Variants in ACOX3 observed in about 807,000 individuals in gnomAD.
ACOX3 encodes peroxisomal acyl-coenzyme A oxidase 3.
In ACOX3, 73 loss-of-function variants were observed where a neutral mutation model predicts 81.5. That is an observed-to-expected ratio of 0.90 (90% CI 0.74 to 1.09). The LOEUF (loss-of-function observed/expected upper bound fraction) is 1.09, where lower values mean the gene tolerates loss of function less well. ACOX3 is among the 50% of genes least tolerant of loss of function. The pLI is 0.00. For synonymous variants in ACOX3, 387 were observed against 375.1 expected, an observed-to-expected ratio of 1.03 and a Z score of -0.37; for missense variants, 947 against 928.0, an observed-to-expected ratio of 1.02 and a Z score of -0.27.
chr4:8,361,366 C>T (rs374802615), downstream of ACOX3, among the ~76,000 whole-genome samples: 20 of 127,114 alleles, frequency 1.6e-4, no homozygotes, highest in African/African-American at 5.8e-4. Flanking sequence ...GCGGAGCTCG[C>T]AGTGAGCTGA....
rs1334527358 is a variant in ACOX3 at position 8,386,640 on chromosome 4, GCACCCAAAA to G, written c.1537+2524_1537+2532del. 2.4e-4 allele frequency among the ~76,000 whole-genome samples: 37 copies of G among 152,066 alleles called. No individual in the cohort carries two copies. Among genetic ancestry groups the G allele is most frequent in the Non-Finnish European group, 4.1e-4 (28 of 68,016 alleles). ...TCAAACGTGTCCCCGTTTCCCACTGGCACCCAAAAAGGCAGGCTAAGATCTGCACGGTTA... is the reference window on the plus strand; with the variant it reads ...TCAAACGTGTCCCCGTTTCCCACTGGAGGCAGGCTAAGATCTGCACGGTTA... On this transcript the variant is annotated intron_variant, in intron 13 of 17. Coordinates refer to ENST00000356406, the MANE Select transcript of ACOX3 (RefSeq NM_003501.3). This position sits in a 1 kb window ranked among gnomAD's most constrained non-coding sequence, Gnocchi z 5.2.
chr4:8,403,949 A>G (rs1720643529), intron 7 of ACOX3, among the ~76,000 whole-genome samples: 1 of 152,214 alleles, frequency 6.6e-6, no homozygotes, highest in African/African-American at 2.4e-5. Flanking sequence ...CCTTACGTGC[A>G]CACATAGGAC....
At position 8,368,667 on chromosome 4, in the gene ACOX3, G is replaced by C. The variant is rs1223255759; in HGVS notation, c.1984-1587C>G. On this transcript the variant is annotated intron_variant, in intron 17 of 17. Transcript: ENST00000356406. The surrounding 1 kb of genome is among the most constrained non-coding windows in gnomAD (Gnocchi z 5.9). ...CTGCAGCTCTGTTTGTTCGCTTATAGTGAATTTCTCACCTGGCAGCTCCTG... is the reference window on the plus strand; with the variant it reads ...CTGCAGCTCTGTTTGTTCGCTTATACTGAATTTCTCACCTGGCAGCTCCTG... Among the ~76,000 whole-genome samples the C allele has an allele frequency of 6.6e-6, 1 of 151,880 alleles. No homozygotes were observed. Among genetic ancestry groups the C allele is most frequent in the African/African-American group, 2.4e-5 (1 of 41,308 alleles).
chr4:8,428,588 C>G (rs572143738), intron 1 of ACOX3: 2 of 152,302 alleles, frequency 1.3e-5, no homozygotes, highest in Non-Finnish European at 2.9e-5. Context: ...CTGGAAGCCA[C>G]GAAGCTTCGC....
rs558666641 is a variant in ACOX3, at chr4:8,399,147, G to A, written c.873+409C>T. On this transcript the variant is annotated intron_variant, in intron 8 of 17. Coordinates refer to ENST00000356406, the MANE Select transcript of ACOX3 (RefSeq NM_003501.3). This position sits in a 1 kb window ranked among gnomAD's most constrained non-coding sequence, Gnocchi z 4.9. ...CTGGGCCATCGCTCCCCAGGACCAC[G>A]GTCTCTCTTCTGCTCTCCGTGAACT... is the stretch of plus-strand genomic sequence containing the variant. Among the ~76,000 whole-genome samples, 2 of 152,276 alleles carry A rather than the reference G, an allele frequency of 1.3e-5. No individual in the cohort carries two copies. The highest frequency in any genetic ancestry group is 6.5e-5 in the Admixed American group (1 of 15,294).
At chr4:8,371,054 G>A in intron 16 of ACOX3, 60 bp from the exon 17 acceptor site, 1 of 1,522,432 alleles carries the variant, frequency 6.6e-7, no homozygotes, top group South Asian at 1.1e-5. Context: ...GGTGACCAAA[G>A]CATAACAGCC....
chr4:8,415,131 TG>T (rs1722177546), intron 3 of ACOX3, among the ~76,000 whole-genome samples: 1 of 152,250 alleles, frequency 6.6e-6, no homozygotes, highest in Non-Finnish European at 1.5e-5. Context: ...GACACACAGC[TG>T]CCCCGGGTCC....
In ACOX3 at chr4:8,366,954, A is replaced by C; in HGVS notation, c.*7T>G. 1 of 1,613,700 alleles carries C rather than the reference A, an allele frequency of 6.2e-7. No homozygotes were observed. Among genetic ancestry groups the C allele is most frequent in the Non-Finnish European group, 8.5e-7 (1 of 1,179,758 alleles). On this transcript the variant is annotated 3_prime_UTR_variant, in exon 18 of 18. Transcript: ENST00000356406. ...CATTAGACTTGGCTGAATGTGTGCC[A>C]GTCCCACTAGAGCTTCGATTTCAGA...
rs1715992686 is a variant in ACOX3 at position 8,370,167 on chromosome 4, A to G, written c.1983+741T>C. On this transcript the variant is annotated intron_variant, in intron 17 of 17. Coordinates refer to ENST00000356406, the MANE Select transcript of ACOX3 (RefSeq NM_003501.3). The surrounding 1 kb of genome is among the most constrained non-coding windows in gnomAD (Gnocchi z 6.3). ...AATGGAAGGCACTCCAGGCAGCCCG[A>G]GCAGCAGGCACAAGGCCCTGGGGTG... is the stretch of plus-strand genomic sequence containing the variant. Among the ~76,000 whole-genome samples, 1 of 152,224 alleles carries G rather than the reference A, an allele frequency of 6.6e-6. No individual in the cohort carries two copies. The highest frequency in any genetic ancestry group is 6.5e-5 in the Admixed American group (1 of 15,290).
At chr4:8,398,029 C>T (rs924369147) in intron 8 of ACOX3, among the ~76,000 whole-genome samples, 2 of 152,128 alleles carry the variant, frequency 1.3e-5, no homozygotes, top group South Asian at 2.1e-4. Flanking sequence ...GGCCTGGCGG[C>T]GGGTGCCTGT....
intron 16 of ACOX3, among the ~76,000 whole-genome samples, chr4:8,372,447 G>A (rs1224277030): frequency 1.3e-5 from 2 of 152,072 alleles, no homozygotes; most frequent in Non-Finnish European, 2.9e-5. Context: ...CTCTGGCGAG[G>A]AGACCCCCGT....
downstream of ACOX3, among the ~76,000 whole-genome samples, chr4:8,364,012 T>G (rs1715286794): frequency 6.6e-6 from 1 of 152,174 alleles, no homozygotes; most frequent in Admixed American, 6.5e-5. The surrounding 1 kb of genome is among the most constrained non-coding windows in gnomAD (Gnocchi z 5.0). Flanking sequence ...TCCTTTACTT[T>G]CTTAATAAAC....
chr4:8,400,818 G>A lies in ACOX3; in HGVS notation c.777-1166C>T, dbSNP rs1720289242. Among the ~76,000 whole-genome samples, 1 of 152,152 alleles carries A rather than the reference G, an allele frequency of 6.6e-6. No homozygotes were observed. The highest frequency in any genetic ancestry group is 6.5e-5 in the Admixed American group (1 of 15,268). On this transcript the variant is annotated intron_variant, in intron 7 of 17. Transcript: ENST00000356406. This position sits in a 1 kb window ranked among gnomAD's most constrained non-coding sequence, Gnocchi z 4.4. The stretch of plus-strand genomic sequence containing the variant: ...GTTTTATGGAAGACAATTTTTCCAC[G>A]AATGAGGGGGAGGTGGGAGTGGTTT...
intron 1 of ACOX3, among the ~76,000 whole-genome samples, chr4:8,425,491 C>T (rs1723384083): frequency 6.6e-6 from 1 of 151,548 alleles, no homozygotes; most frequent in South Asian, 2.1e-4. Flanking sequence ...TAGCACCTAT[C>T]AGACGGCCAA....
Position 8,433,363 on chromosome 4 carries a change from C to T in ACOX3, c.-15+7285G>A, listed in dbSNP as rs570278680. 7.9e-5 allele frequency among the ~76,000 whole-genome samples: 12 copies of T among 152,328 alleles called. No homozygotes were observed. In the East Asian group the frequency reaches 1.2e-3, roughly 15 times the overall value. ...GAGAAACAAGAACACCACGTAACCA[C>T]GGAGGCAGAGATTGAAGTGCTGGAG... On this transcript the variant is annotated intron_variant, in intron 1 of 17. Transcript: ENST00000356406.
intron 11 of ACOX3, among the ~76,000 whole-genome samples, chr4:8,391,201 A>G (rs1331318457): frequency 6.6e-6 from 1 of 152,240 alleles, no homozygotes; most frequent in Non-Finnish European, 1.5e-5. Context: ...CGCAGAGGAC[A>G]AAGCATGCAA....
chr4:8,379,273 T>A (rs1717346884), intron 14 of ACOX3, among the ~76,000 whole-genome samples: 2 of 152,164 alleles, frequency 1.3e-5, no homozygotes, highest in South Asian at 4.1e-4. Context: ...AGGGGCTGCG[T>A]CTCCCCTGGG....
intron 1 of ACOX3, among the ~76,000 whole-genome samples, chr4:8,417,048 C>G (rs1184428148): frequency 6.6e-6 from 1 of 152,270 alleles, no homozygotes; most frequent in Non-Finnish European, 1.5e-5. Context: ...AACCTCTGAT[C>G]ACAGGCTTCT....
At chr4:8,409,617 GGGGCTGTCTGTGCACTGTGGGCA>G (rs1181605518) in intron 6 of ACOX3, among the ~76,000 whole-genome samples, 22 of 116,808 alleles carry the variant, frequency 1.9e-4, no homozygotes, top group South Asian at 3.4e-4. Context: ...TACTGTGGGT[GGGGCTGTCTGTGCACTGTGGGCA>G]GGGCTGTCTG....
Sources: allele counts gnomAD v4.1 joint callset (sites outside exome capture counted in the v4.1 genomes callset), GRCh38; gene constraint gnomAD v4.1.1; non-coding constraint Gnocchi (gnomAD v3.1); transcripts MANE v1.5; gene names NCBI Gene and HGNC (gene_info 2026-07-23, HGNC 2026-07-21).